The following ZBTB38 variants were observed in gnomAD, a reference collection of about 807,000 sequenced individuals.
ZBTB38 encodes zinc finger and BTB domain-containing protein 38.
In ZBTB38, 20 loss-of-function variants were observed where a neutral mutation model predicts 76.8. The observed-to-expected ratio is 0.26, with a 90% CI of 0.18 to 0.38. ZBTB38 has a LOEUF of 0.38. ZBTB38 is among the 10% of genes least tolerant of loss of function. The pLI, the probability that ZBTB38 is intolerant of heterozygous loss-of-function variation, is 1.00. For synonymous variants in ZBTB38, 504 were observed against 544.2 expected (o/e 0.93, Z 1.03); for missense variants, 1,082 against 1,482.3 (o/e 0.73, Z 4.43).
upstream of ZBTB38, among the ~76,000 whole-genome samples, chr3:141,365,705 T>C (rs1417060407): frequency 6.6e-6 from 1 of 151,864 alleles, no homozygotes; most frequent in Admixed American, 6.6e-5. Flanking sequence ...ACTAGATGAG[T>C]GGTCATCTAG....
intron 5 of ZBTB38, among the ~76,000 whole-genome samples, chr3:141,421,707 C>A (rs2075412234): frequency 6.6e-6 from 1 of 152,178 alleles, no homozygotes; most frequent in African/African-American, 2.4e-5. Flanking sequence ...CACCCCACTC[C>A]CCATCTGAAG....
chr3:141,353,364 C>G (rs1428459262), intron 1 of ZBTB38, among the ~76,000 whole-genome samples: 1 of 152,054 alleles, frequency 6.6e-6, no homozygotes, highest in Non-Finnish European at 1.5e-5. Flanking sequence ...CACTTACCCC[C>G]AAGCTTCCTC....
chr3:141,438,966 ATT>A (rs56348132), intron 5 of ZBTB38, among the ~76,000 whole-genome samples: 86 of 139,972 alleles, frequency 6.1e-4, no homozygotes, highest in East Asian at 8.4e-4. Flanking sequence ...ATCATTTTTA[ATT>A]TTTTTTTTTT....
chr3:141,376,251 A>G (rs1162807920), intron 2 of ZBTB38, among the ~76,000 whole-genome samples: 2 of 152,126 alleles, frequency 1.3e-5, no homozygotes, highest in African/African-American at 2.4e-5. Flanking sequence ...CTTGAAATCA[A>G]CTTTAGTTTC....
At chr3:141,379,688 T>A (rs936349428) in intron 2 of ZBTB38, among the ~76,000 whole-genome samples, 1 of 152,232 alleles carries the variant, frequency 6.6e-6, no homozygotes, top group Non-Finnish European at 1.5e-5. Context: ...AAATGAAACC[T>A]GCAGCTTATT....
At chr3:141,329,277 C>T (rs903501492) in intron 1 of ZBTB38, among the ~76,000 whole-genome samples, 1 of 152,170 alleles carries the variant, frequency 6.6e-6, no homozygotes, top group Non-Finnish European at 1.5e-5. Context: ...GACTGTGTTC[C>T]TCCCATCCTT....
chr3:141,416,336 T>G (rs2074048214), intron 5 of ZBTB38, among the ~76,000 whole-genome samples: 1 of 152,204 alleles, frequency 6.6e-6, no homozygotes, highest in South Asian at 2.1e-4. Context: ...AATTTATGGT[T>G]GTTGTGATTT....
At chr3:141,381,593 A>G (rs1230762947) in intron 3 of ZBTB38, 106 bp downstream of exon 3, 1 of 152,266 alleles carries the variant, frequency 6.6e-6, no homozygotes, top group Admixed American at 6.5e-5. Context: ...ATCCTCAAGC[A>G]TATCATTCAC....
At chr3:141,350,675 T>C (rs995219799) in intron 1 of ZBTB38, among the ~76,000 whole-genome samples, 1 of 152,252 alleles carries the variant, frequency 6.6e-6, no homozygotes, top group Admixed American at 6.5e-5. Flanking sequence ...GACATCATAT[T>C]TAATTATCAC....
At chr3:141,350,070 C>G (rs1943476906) in intron 1 of ZBTB38, among the ~76,000 whole-genome samples, 1 of 152,140 alleles carries the variant, frequency 6.6e-6, no homozygotes, top group Non-Finnish European at 1.5e-5. Context: ...ATCCAGGATG[C>G]TCCACAGCTG....
intron 1 of ZBTB38, among the ~76,000 whole-genome samples, chr3:141,331,446 G>A (rs552804016): frequency 1.8e-4 from 28 of 152,290 alleles, no homozygotes; most frequent in African/African-American, 4.3e-4. Flanking sequence ...TTACACTGTC[G>A]TCCCCATGGA....
chr3:141,348,851 G>A (rs767357386), intron 1 of ZBTB38, among the ~76,000 whole-genome samples: 17 of 152,212 alleles, frequency 1.1e-4, no homozygotes, highest in East Asian at 9.6e-4. Flanking sequence ...AGGGACTCCC[G>A]GCAGAGAAGC....
intron 2 of ZBTB38, among the ~76,000 whole-genome samples, chr3:141,380,404 G>A (rs1282288385): frequency 6.6e-6 from 1 of 152,132 alleles, no homozygotes; most frequent in African/African-American, 2.4e-5. Context: ...GGCTCCCCTT[G>A]GTAAACAAGT....
chr3:141,438,012 A>C (rs1050164685), intron 5 of ZBTB38, among the ~76,000 whole-genome samples: 2 of 151,750 alleles, frequency 1.3e-5, no homozygotes, highest in African/African-American at 2.4e-5. Context: ...CCTGGGTTCA[A>C]GCAATTCTTC....
intron 5 of ZBTB38, among the ~76,000 whole-genome samples, chr3:141,431,323 C>CAAAAAAAAA (rs71976494): frequency 2.0e-5 from 2 of 101,400 alleles, no homozygotes; most frequent in African/African-American, 4.9e-5. Context: ...GACTTCGTCT[C>CAAAAAAAAA]AAAAAAAAAA....
chr3:141,395,103 T>C (rs531618194), intron 4 of ZBTB38, among the ~76,000 whole-genome samples: 3 of 152,338 alleles, frequency 2.0e-5, no homozygotes, highest in Admixed American at 2.0e-4. Flanking sequence ...AGTTTAAAGA[T>C]CTACTTGGTT....
intron 5 of ZBTB38, among the ~76,000 whole-genome samples, chr3:141,419,162 T>C (rs529087167): frequency 6.6e-6 from 1 of 152,254 alleles, no homozygotes; most frequent in East Asian, 1.9e-4. Flanking sequence ...CTTCTTCACA[T>C]GGCAGCAGGA....
At chr3:141,334,733 C>T (rs1476856929) in intron 1 of ZBTB38, among the ~76,000 whole-genome samples, 3 of 152,068 alleles carry the variant, frequency 2.0e-5, no homozygotes, top group South Asian at 4.1e-4. Flanking sequence ...CCCCTGCATG[C>T]GCTACATCCT....
intron 1 of ZBTB38, among the ~76,000 whole-genome samples, chr3:141,337,962 T>C (rs1350268835): frequency 6.6e-6 from 1 of 152,192 alleles, no homozygotes; most frequent in Non-Finnish European, 1.5e-5. Flanking sequence ...TGAATGTCTA[T>C]CATGTGCTGG....
Sources: gnomAD v4.1 joint callset for allele counts (sites outside exome capture counted in the v4.1 genomes callset) on GRCh38, gnomAD v4.1.1 for gene constraint, MANE v1.5 for transcripts, NCBI Gene and HGNC (gene_info 2026-07-23, HGNC 2026-07-21) for gene names.